Variants in SPEF2 observed in about 807,000 individuals in gnomAD.
SPEF2 encodes sperm flagellar and cilia associated 2.
Under a neutral mutation model 224.6 loss-of-function variants are expected in SPEF2, and 187 were observed. That is an observed-to-expected ratio of 0.83 (90% CI 0.74 to 0.94). SPEF2 has a LOEUF of 0.94. Ranked by LOEUF, SPEF2 falls within the 40% of genes least tolerant of loss-of-function variation. The pLI is 0.00. For synonymous variants in SPEF2, 715 were observed against 707.3 expected, an observed-to-expected ratio of 1.01 and a Z score of -0.17; for missense variants, 2,170 against 2,135.6, an observed-to-expected ratio of 1.02 and a Z score of -0.32.
chr5:35,756,568 T>C (rs1750477836), intron 24 of SPEF2, among the ~76,000 whole-genome samples: 1 of 152,202 alleles, frequency 6.6e-6, no homozygotes, highest in African/African-American at 2.4e-5. Flanking sequence ...TTGTCCAGGA[T>C]GCTCAAAAGC....
chr5:35,754,734 G>T (rs768116457), intron 24 of SPEF2, among the ~76,000 whole-genome samples: 1 of 152,202 alleles, frequency 6.6e-6, no homozygotes, highest in East Asian at 1.9e-4. Flanking sequence ...ACAAAAGGGA[G>T]GTGGGCCCTA....
intron 10 of SPEF2, among the ~76,000 whole-genome samples, chr5:35,687,563 G>T (rs1284241413): frequency 6.6e-6 from 1 of 152,020 alleles, no homozygotes; most frequent in Non-Finnish European, 1.5e-5. Context: ...CACCATGTTG[G>T]TCAGGCTGGT....
rs557744214 is a variant in SPEF2 at position 35,801,287 on chromosome 5, G to A, written c.5010+1140G>A. The stretch of plus-strand genomic sequence containing the variant: ...TCCCAGCACTTTTGGAGGCCAAGGC[G>A]GGTGGCTCACCTGAGGTCAGGAGTT... On this transcript the variant is annotated intron_variant, in intron 34 of 36. Transcript: ENST00000356031. Among the ~76,000 whole-genome samples, 27 of 152,270 alleles carry A rather than the reference G, an allele frequency of 1.8e-4. No individual in the cohort carries two copies. In the East Asian group the frequency reaches 4.5e-3, roughly 25 times the overall value.
chr5:35,702,792 C>G (rs1738911939), intron 16 of SPEF2, among the ~76,000 whole-genome samples: 1 of 152,160 alleles, frequency 6.6e-6, no homozygotes, highest in Non-Finnish European at 1.5e-5. Flanking sequence ...GAATCTCAAT[C>G]CCAATTACAA....
intron 30 of SPEF2, chr5:35,789,908 T>G (rs1419535524): frequency 1.4e-6 from 1 of 702,966 alleles, no homozygotes; most frequent in Non-Finnish European, 2.6e-6. Flanking sequence ...CATGTTGAAA[T>G]TAGAGATTTA....
chr5:35,624,440 G>A (rs902749207), intron 1 of SPEF2, among the ~76,000 whole-genome samples: 1 of 152,070 alleles, frequency 6.6e-6, no homozygotes, highest in Non-Finnish European at 1.5e-5. Flanking sequence ...AATTTCAATT[G>A]TTAGTGCAAA....
At chr5:35,736,386 T>C (rs1377744361) in intron 21 of SPEF2, among the ~76,000 whole-genome samples, 2 of 152,286 alleles carry the variant, frequency 1.3e-5, no homozygotes, top group South Asian at 2.1e-4. Context: ...CAGTTACACA[T>C]GGCTGGGGAG....
At chr5:35,696,466 C>G (rs750409021) in intron 14 of SPEF2, among the ~76,000 whole-genome samples, 6 of 152,130 alleles carry the variant, frequency 3.9e-5, no homozygotes, top group East Asian at 1.9e-4. Context: ...AGGGGACTTA[C>G]AATTTTTACT....
At chr5:35,707,842 C>T (rs956180094) in intron 18 of SPEF2, among the ~76,000 whole-genome samples, 2 of 152,170 alleles carry the variant, frequency 1.3e-5, no homozygotes, top group Admixed American at 1.3e-4. Flanking sequence ...TCAGATGTCA[C>T]CTTATGGTTG....
chr5:35,720,737 T>C (rs1028898014), intron 20 of SPEF2, among the ~76,000 whole-genome samples: 2 of 152,178 alleles, frequency 1.3e-5, no homozygotes, highest in South Asian at 2.1e-4. Context: ...CATCAAGATA[T>C]AACCTAAAGA....
intron 1 of SPEF2, among the ~76,000 whole-genome samples, chr5:35,626,669 C>T (rs1268256493): frequency 6.6e-6 from 1 of 152,128 alleles, no homozygotes; most frequent in African/African-American, 2.4e-5. Context: ...ACCCTGAGTA[C>T]ATAGAATCAG....
intron 25 of SPEF2, among the ~76,000 whole-genome samples, chr5:35,763,255 C>G (rs1025871571): frequency 1.3e-5 from 2 of 152,064 alleles, no homozygotes; most frequent in African/African-American, 4.8e-5. Flanking sequence ...GTCTAATCCT[C>G]TGCTTTATAA....
intron 10 of SPEF2, among the ~76,000 whole-genome samples, chr5:35,686,084 C>T (rs994992932): frequency 8.6e-5 from 13 of 151,994 alleles, no homozygotes; most frequent in African/African-American, 2.9e-4. Flanking sequence ...AAAAGACTTA[C>T]ATTAAGATGA....
At chr5:35,716,789 T>G (rs547015496) in intron 20 of SPEF2, among the ~76,000 whole-genome samples, 1 of 152,204 alleles carries the variant, frequency 6.6e-6, no homozygotes, top group Non-Finnish European at 1.5e-5. Context: ...CCATTAATTG[T>G]TCATCTGTTT....
chr5:35,679,411 G>A (rs2149500613), intron 10 of SPEF2, among the ~76,000 whole-genome samples: 1 of 152,264 alleles, frequency 6.6e-6, no homozygotes. Context: ...ACTAGAAAAT[G>A]AAAACAAAGC....
intron 34 of SPEF2, among the ~76,000 whole-genome samples, chr5:35,802,359 C>T (rs1375674338): frequency 6.6e-6 from 1 of 152,222 alleles, no homozygotes; most frequent in Admixed American, 6.5e-5. Context: ...TTCACACACA[C>T]ACATTCACTG....
At chr5:35,685,887 C>T (rs992186226) in intron 10 of SPEF2, among the ~76,000 whole-genome samples, 1 of 151,062 alleles carries the variant, frequency 6.6e-6, no homozygotes, top group African/African-American at 2.4e-5. Flanking sequence ...ATCTAACTGA[C>T]TTAAGGCAAT....
At chr5:35,674,708 T>G (rs560107014) in intron 10 of SPEF2, among the ~76,000 whole-genome samples, 4 of 152,106 alleles carry the variant, frequency 2.6e-5, no homozygotes, top group Admixed American at 6.5e-5. Flanking sequence ...CCCTCCCTCA[T>G]GACCTCATCT....
At chr5:35,692,769 G>A (rs1247336080) in intron 12 of SPEF2, 45 bp downstream of exon 12, 1 of 1,569,926 alleles carries the variant, frequency 6.4e-7, no homozygotes, top group African/African-American at 1.4e-5. Context: ...GTACATTAGA[G>A]ATTTGGAGCT....
Sources: gnomAD v4.1 joint callset for allele counts (sites outside exome capture counted in the v4.1 genomes callset) on GRCh38, gnomAD v4.1.1 for gene constraint, MANE v1.5 for transcripts, NCBI Gene and HGNC (gene_info 2026-07-23, HGNC 2026-07-21) for gene names.